The following ESF1 variants were observed in gnomAD, a reference collection of about 807,000 sequenced individuals.
ESF1 encodes ESF1 nucleolar pre-rRNA processing protein, also known as ESF1 homolog.
Under a neutral mutation model 92.0 loss-of-function variants are expected in ESF1, and 58 were observed. The ratio of observed to expected loss-of-function variants is 0.63; its 90% confidence interval spans 0.51 to 0.78. ESF1 has a LOEUF of 0.78. Among genes scored for constraint, ESF1 ranks in the 30% least tolerant of loss-of-function variants. The pLI, the probability that ESF1 is intolerant of heterozygous loss-of-function variation, is 0.00. For missense variants in ESF1, 922 were observed against 989.1 expected, an observed-to-expected ratio of 0.93 and a Z score of 0.91; for synonymous variants, 321 against 313.7, an observed-to-expected ratio of 1.02 and a Z score of -0.24.
In ESF1 at chr20:13,769,978, C is replaced by T. The variant is rs1465824977; in HGVS notation, c.1447G>A (p.Val483Ile). 6.2e-7 allele frequency: 1 copy of T among 1,611,110 alleles called. No individual in the cohort carries two copies. The highest frequency in any genetic ancestry group is 1.1e-5 in the South Asian group (1 of 90,448). The change falls in exon 7 of 14, where the codon GTA becomes ATA. Residue 483 changes from valine (V) to isoleucine (I), a missense_variant. By Grantham distance (29) the Val-to-Ile change is conservative. Coordinates refer to ENST00000617257, the MANE Select transcript of ESF1 (RefSeq NM_001276380.2). ...DITFDDEPKD[V>I]ASEVNLTAYK... The stretch of plus-strand genomic sequence containing the variant: ...GCTGTTAAATTCACTTCTGAGGCTA[C>T]ATCCTTAGGCTCATCATCAAAAGTA...
At chr20:13,753,299 TGAG>T (rs1256475101) in intron 9 of ESF1, among the ~76,000 whole-genome samples, 4 of 151,698 alleles carry the variant, frequency 2.6e-5, no homozygotes, top group African/African-American at 9.7e-5. Context: ...AGCTCTCTTC[TGAG>T]GACACTGCTT....
chr20:13,760,743 T>C (rs1468804404), intron 8 of ESF1, among the ~76,000 whole-genome samples: 4 of 145,656 alleles, frequency 2.7e-5, no homozygotes, highest in Non-Finnish European at 4.5e-5. Flanking sequence ...AGCCGCCCCG[T>C]CCGGGAGGGA....
chr20:13,744,236 C>A lies in ESF1; in HGVS notation c.1829-10394G>T, dbSNP rs2050033663. On this transcript the variant is annotated intron_variant, in intron 9 of 13. Coordinates refer to ENST00000617257, the MANE Select transcript of ESF1 (RefSeq NM_001276380.2). ...AATTTGACCATATCACACTTCTGTTCTTCAAAAGACACTATAAAGAAAGTA... is the reference window on the plus strand; with the variant it reads ...AATTTGACCATATCACACTTCTGTTATTCAAAAGACACTATAAAGAAAGTA... Among the ~76,000 whole-genome samples the A allele has an allele frequency of 2.0e-5, 3 of 152,138 alleles. No individual in the cohort carries two copies. In the South Asian group the frequency reaches 6.2e-4, roughly 32 times the overall value.
intron 9 of ESF1, among the ~76,000 whole-genome samples, chr20:13,743,830 C>T (rs930400403): frequency 2.6e-5 from 4 of 152,026 alleles, no homozygotes; most frequent in Non-Finnish European, 4.4e-5. Flanking sequence ...GTTAATATCA[C>T]GTAGTAATCA....
At chr20:13,772,483 G>A (rs761994687) in intron 5 of ESF1, 32 bp downstream of exon 5, 2 of 1,450,310 alleles carry the variant, frequency 1.4e-6, no homozygotes, top group East Asian at 2.3e-5. Context: ...AATTTATGAG[G>A]TTTAGTTTTA....
intron 10 of ESF1, among the ~76,000 whole-genome samples, chr20:13,728,712 A>G (rs1196285830): frequency 2.6e-5 from 4 of 151,698 alleles, no homozygotes; most frequent in African/African-American, 9.7e-5. Context: ...TAAAAATACA[A>G]AAAAATTCGC....
chr20:13,772,697 A>C (rs1425163373), intron 4 of ESF1, 82 bp from the exon 5 acceptor site: 3 of 968,656 alleles, frequency 3.1e-6, no homozygotes, highest in Non-Finnish European at 4.9e-6. Context: ...AGGAACTCTA[A>C]AAGTCACAAC....
At chr20:13,754,825 CA>C (rs761641321) in intron 9 of ESF1, among the ~76,000 whole-genome samples, 1 of 152,216 alleles carries the variant, frequency 6.6e-6, no homozygotes. Flanking sequence ...TAATGGCCTA[CA>C]AGGCTTTCAT....
chr20:13,734,633 C>T (rs1412453645), intron 9 of ESF1, among the ~76,000 whole-genome samples: 1 of 152,114 alleles, frequency 6.6e-6, no homozygotes, highest in Non-Finnish European at 1.5e-5. Context: ...TTTACAAAGA[C>T]CCTCATTATT....
chr20:13,784,469 G>T (rs943157683), intron 1 of ESF1, among the ~76,000 whole-genome samples: 2 of 152,258 alleles, frequency 1.3e-5, no homozygotes, highest in African/African-American at 4.8e-5. Context: ...GAGAAGTACT[G>T]CATGTATTGT....
At chr20:13,716,819 T>G (rs1281271861) in intron 13 of ESF1, among the ~76,000 whole-genome samples, 13 of 120,314 alleles carry the variant, frequency 1.1e-4, no homozygotes, top group African/African-American at 3.6e-4. Flanking sequence ...TTTTTTTTTT[T>G]TTTTTTTTTT....
intron 2 of ESF1, among the ~76,000 whole-genome samples, chr20:13,780,648 G>GCTATCAAGACCTCTTGGC (rs1410621336): frequency 4.6e-5 from 7 of 150,984 alleles, no homozygotes; most frequent in Non-Finnish European, 1.0e-4. Flanking sequence ...GAACTCTTGG[G>GCTATCAAGACCTCTTGGC]CTATCAAGAC....
intron 4 of ESF1, among the ~76,000 whole-genome samples, chr20:13,774,873 T>C (rs1979852377): frequency 6.6e-6 from 1 of 152,210 alleles, no homozygotes; most frequent in Non-Finnish European, 1.5e-5. Context: ...CAATAAGGAA[T>C]GCAATTTATT....
At chr20:13,755,201 G>A (rs1035124779) in intron 9 of ESF1, among the ~76,000 whole-genome samples, 5 of 152,180 alleles carry the variant, frequency 3.3e-5, no homozygotes, top group Admixed American at 6.5e-5. Flanking sequence ...TTGGGGTTCT[G>A]TAGAGTGCTG....
intron 9 of ESF1, among the ~76,000 whole-genome samples, chr20:13,757,805 A>T (rs531030120): frequency 6.4e-4 from 98 of 152,290 alleles, no homozygotes; most frequent in Middle Eastern, 3.4e-3. Flanking sequence ...ATATTTCTGA[A>T]ATATTTGCTA....
intron 8 of ESF1, among the ~76,000 whole-genome samples, chr20:13,764,357 C>T (rs779718945): frequency 2.6e-5 from 4 of 152,106 alleles, no homozygotes; most frequent in Admixed American, 6.5e-5. Flanking sequence ...AACCAGTTTC[C>T]AAACAGAGAC....
chr20:13,773,201 G>GT (rs1979769430), intron 4 of ESF1, among the ~76,000 whole-genome samples: 1 of 152,098 alleles, frequency 6.6e-6, no homozygotes, highest in Non-Finnish European at 1.5e-5. Flanking sequence ...AGAAATAATT[G>GT]TATTAATGAC....
At chr20:13,770,109 C>T in intron 6 of ESF1, 88 bp from the exon 7 acceptor site, 1 of 712,260 alleles carries the variant, frequency 1.4e-6, no homozygotes, top group South Asian at 1.8e-5. Context: ...GTAGTTTATA[C>T]ATACACAAAC....
chr20:13,776,013 C>T lies in ESF1; in HGVS notation c.895G>A (p.Gly299Ser). ...DSEDDDKSDS[G>S]PDLARGKGNI... ...CCTTTACCCCTTGCAAGATCAGGGCCACTGTCACTTTTATCATCATCCTCA... is the reference window on the plus strand; with the variant it reads ...CCTTTACCCCTTGCAAGATCAGGGCTACTGTCACTTTTATCATCATCCTCA... Residue 299 changes from glycine to serine, a missense_variant, in exon 3 of 14, where the codon GGC becomes AGC. Transcript: ENST00000617257. 18 of 1,613,904 alleles carry T rather than the reference C, an allele frequency of 1.1e-5. No individual in the cohort carries two copies. Among genetic ancestry groups the T allele is most frequent in the Non-Finnish European group, 1.4e-5 (17 of 1,179,916 alleles).
Sources: allele counts gnomAD v4.1 joint callset (sites outside exome capture counted in the v4.1 genomes callset), GRCh38; gene constraint gnomAD v4.1.1; transcripts MANE v1.5; gene names NCBI Gene and HGNC (gene_info 2026-07-23, HGNC 2026-07-21).